The following CUL9 variants were observed in gnomAD, a reference collection of about 807,000 sequenced individuals.
The protein encoded by CUL9 is cullin-9.
CUL9 carries 79 observed loss-of-function variants against 272.6 expected under a neutral mutation model. That is an observed-to-expected ratio of 0.29 (90% CI 0.24 to 0.35). CUL9 has a LOEUF of 0.35. CUL9 is among the 10% of genes least tolerant of loss of function. The pLI, the probability that CUL9 is intolerant of heterozygous loss-of-function variation, is 1.00. For synonymous variants in CUL9, 1,186 were observed against 1,286.5 expected, an observed-to-expected ratio of 0.92 and a Z score of 1.67; for missense variants, 2,532 against 3,255.6, an observed-to-expected ratio of 0.78 and a Z score of 5.41.
rs2150617997 is a variant in CUL9 at position 43,213,318 on chromosome 6, C to T, written c.5358+24C>T. 6.2e-7 allele frequency: 1 copy of T among 1,613,212 alleles called. No individual in the cohort carries two copies. Among genetic ancestry groups the T allele is most frequent in the Middle Eastern group, 1.7e-4 (1 of 6,058 alleles). On this transcript the variant is annotated intron_variant, in intron 27 of 40. Transcript: ENST00000252050. This position sits in a 1 kb window ranked among gnomAD's most constrained non-coding sequence, Gnocchi z 5.7. ...AGGTGCTTCAGCCCTTAGCCTCTCT[C>T]TGCCTTCTCTGCTACCTTATCTGTC...
Position 43,199,180 on chromosome 6 carries a change from C to T in CUL9, c.3051-86C>T. ...CGAACTCCCGACCTCAGGTGATCCG[C>T]CCACTTCGGCCTCCCAAAGTGCTGG... On this transcript the variant is annotated intron_variant, in intron 12 of 40. Transcript: ENST00000252050. The surrounding 1 kb of genome is among the most constrained non-coding windows in gnomAD (Gnocchi z 4.4). The T allele has an allele frequency of 8.9e-7, 1 of 1,126,536 alleles. No individual in the cohort carries two copies. The highest frequency in any genetic ancestry group is 2.4e-5 in the East Asian group (1 of 41,650). The allele number at this position is 1,126,536 out of a possible 1,614,324, so 69.8% of individuals were successfully genotyped here.
At position 43,193,217 on chromosome 6, in the gene CUL9, A is replaced by G. The variant is rs751547334; in HGVS notation, c.2388+9A>G. On this transcript the variant is annotated intron_variant, in intron 9 of 40. Coordinates refer to ENST00000252050, the MANE Select transcript of CUL9 (RefSeq NM_015089.4). ...AGCAGGCTGGGCTGGCGGTGAGTACATTGGGCCTGGCGGGAGAGAACAATG... is the reference window on the plus strand; with the variant it reads ...AGCAGGCTGGGCTGGCGGTGAGTACGTTGGGCCTGGCGGGAGAGAACAATG... The G allele has an allele frequency of 1.9e-6, 3 of 1,612,998 alleles. No homozygotes were observed. Among genetic ancestry groups the G allele is most frequent in the Non-Finnish European group, 2.5e-6 (3 of 1,179,136 alleles).
chr6:43,203,622 T>G lies in CUL9; in HGVS notation c.4025+30T>G. The G allele has an allele frequency of 1.2e-6, 2 of 1,605,950 alleles. No individual in the cohort carries two copies. The highest frequency in any genetic ancestry group is 1.7e-6 in the Non-Finnish European group (2 of 1,176,796). ...GTGGGGCCTGAGGAGGGAAGATGGGTAAGGGAACAGGACACTGTGAGAAGT... is the reference window on the plus strand; with the variant it reads ...GTGGGGCCTGAGGAGGGAAGATGGGGAAGGGAACAGGACACTGTGAGAAGT... On this transcript the variant is annotated intron_variant, in intron 19 of 40. Transcript: ENST00000252050. The surrounding 1 kb of genome is among the most constrained non-coding windows in gnomAD (Gnocchi z 5.0).
chr6:43,213,720 G>A lies in CUL9; in HGVS notation c.5496G>A (p.Leu1832=). Reference sequence around the variant, plus strand: ...ACCGGGAGCGGGTTCCAGGTGTGCTGCGGCTTCATGAGCCTGGGCCCCAGC... The same window carrying A: ...ACCGGGAGCGGGTTCCAGGTGTGCTACGGCTTCATGAGCCTGGGCCCCAGC... The part of the protein sequence containing the change: ...EGQDFPHGGV[L]RLHEPGPQRS... The change falls in exon 29 of 41, where the codon CTG becomes CTA. Residue 1832 remains leucine (L), a synonymous_variant. Transcript: ENST00000252050. The surrounding 1 kb of genome is among the most constrained non-coding windows in gnomAD (Gnocchi z 5.7). 1 of 1,612,950 alleles carries A rather than the reference G, an allele frequency of 6.2e-7. No individual in the cohort carries two copies. The highest frequency in any genetic ancestry group is 8.5e-7 in the Non-Finnish European group (1 of 1,179,762).
rs1335052047 is a variant in CUL9, at chr6:43,224,187, G to A, written c.7358+19G>A. ...GCAGTCAGTAAGTGGGGTGGGCAGA[G>A]CCATGGAGGAGGCAGTGGGACATGG... is the stretch of plus-strand genomic sequence containing the variant. On this transcript the variant is annotated intron_variant, in intron 40 of 40. Coordinates refer to ENST00000252050, the MANE Select transcript of CUL9 (RefSeq NM_015089.4). The surrounding 1 kb of genome is among the most constrained non-coding windows in gnomAD (Gnocchi z 4.2). 3 of 1,614,260 alleles carry A rather than the reference G, an allele frequency of 1.9e-6. No individual in the cohort carries two copies. The highest frequency in any genetic ancestry group is 2.5e-6 in the Non-Finnish European group (3 of 1,180,042).
Position 43,203,765 on chromosome 6 carries a change from A to G in CUL9, c.4026-89A>G. ...GGAAAAGTTGGGTCAGGGACCGAAC[A>G]GGGGTGATTGGGAGCTGATCTGCAC... On this transcript the variant is annotated intron_variant, in intron 19 of 40. Transcript: ENST00000252050. This position sits in a 1 kb window ranked among gnomAD's most constrained non-coding sequence, Gnocchi z 5.0. 1.3e-6 allele frequency: 2 copies of G among 1,536,800 alleles called. No individual in the cohort carries two copies. The highest frequency in any genetic ancestry group is 1.4e-5 in the African/African-American group (1 of 73,118).
Position 43,198,792 on chromosome 6 carries a change from T to C in CUL9, c.2987T>C (p.Leu996Pro). The C allele has an allele frequency of 6.2e-7, 1 of 1,613,986 alleles. No homozygotes were observed. Among genetic ancestry groups the C allele is most frequent in the Non-Finnish European group, 8.5e-7 (1 of 1,180,044 alleles). ...KRLQQETQPFLLLLRTLDAPG... is the reference protein window; with the variant it reads ...KRLQQETQPFPLLLRTLDAPG... ...CTCCAGCAGGAGACCCAGCCTTTCC[T>C]CCTGTTGCTGCGGACTCTGGATGCT... The change falls in exon 12 of 41, where the codon CTC becomes CCC. Residue 996 changes from leucine to proline, a missense_variant. Transcript: ENST00000252050.
chr6:43,223,390 C>A lies in CUL9; in HGVS notation c.7277C>A (p.Ser2426Tyr). 6.3e-7 allele frequency: 1 copy of A among 1,597,102 alleles called. No homozygotes were observed. Among genetic ancestry groups the A allele is most frequent in the South Asian group, 1.1e-5 (1 of 88,404 alleles). The stretch of plus-strand genomic sequence containing the variant: ...AGGCTGCTTGCCATCCTGCAGCATT[C>A]TGCCCAGGTACTGCCCGGCCCAGAC... Reference protein sequence around the residue: ...QERLLAILQHSAQDFRVGLQS... With the variant: ...QERLLAILQHYAQDFRVGLQS... Residue 2426 changes from serine to tyrosine, a missense_variant, in exon 39 of 41, where the codon TCT becomes TAT. Ser to Tyr is a moderately radical substitution (Grantham distance 144). Around this residue, in one of 3 missense-constraint regions of CUL9, gnomAD observed 237 missense variants for 305.9 expected, o/e 0.77. Transcript: ENST00000252050. This position sits in a 1 kb window ranked among gnomAD's most constrained non-coding sequence, Gnocchi z 4.1.
In CUL9 at chr6:43,224,312, C is replaced by T; in HGVS notation, c.7421C>T (p.Pro2474Leu). Residue 2474 changes from proline (P) to leucine (L), a missense_variant, in exon 41 of 41, where the codon CCC (proline) becomes CTC (leucine). Pro to Leu is a moderately conservative substitution (Grantham distance 98). Around this residue, in one of 3 missense-constraint regions of CUL9, gnomAD observed 237 missense variants for 305.9 expected, o/e 0.77. Transcript: ENST00000252050. This position sits in a 1 kb window ranked among gnomAD's most constrained non-coding sequence, Gnocchi z 4.2. ...EEEEDDEDDV[P>L]EWQQDEFDEE... ...GAGGAAGACGATGAGGATGATGTGCCCGAGTGGCAGCAGGATGAGTTTGAT... is the reference window on the plus strand; with the variant it reads ...GAGGAAGACGATGAGGATGATGTGCTCGAGTGGCAGCAGGATGAGTTTGAT... 1 of 1,614,188 alleles carries T rather than the reference C, an allele frequency of 6.2e-7. No homozygotes were observed.
At chr6:43,207,182 C>G (rs1189091203) in intron 26 of CUL9, among the ~76,000 whole-genome samples, 1 of 152,134 alleles carries the variant, frequency 6.6e-6, no homozygotes, top group East Asian at 1.9e-4. Flanking sequence ...AATTATAAGG[C>G]TTCATGAATT....
chr6:43,188,100 A>G lies in CUL9; in HGVS notation c.1969A>G (p.Met657Val). ...TGAGGGGATGACCCTGCCCACTGAG[A>G]TGAAGGAGGCAGCCAGTGGTGAGTC... ...VTEGMTLPTE[M>V]KEAASEMARA... Residue 657 changes from methionine (M) to valine (V), a missense_variant, in exon 7 of 41, where the codon ATG (methionine) becomes GTG (valine). Transcript: ENST00000252050. 1.2e-6 allele frequency: 2 copies of G among 1,613,778 alleles called. No individual in the cohort carries two copies. The highest frequency in any genetic ancestry group is 4.5e-5 in the East Asian group (2 of 44,870).
intron 7 of CUL9, 47 bp from the exon 8 acceptor site, chr6:43,188,475 CA>C: frequency 6.6e-7 from 1 of 1,516,158 alleles, no homozygotes; most frequent in East Asian, 2.3e-5. Flanking sequence ...CTTCTAACTT[CA>C]AGGTGCCACA....
intron 1 of CUL9, among the ~76,000 whole-genome samples, chr6:43,183,918 A>C (rs1368966468): frequency 6.6e-6 from 1 of 151,934 alleles, no homozygotes; most frequent in African/African-American, 2.4e-5. Context: ...ACACCTGGCT[A>C]ATTTTTGTAT....
rs1406609925 is a variant in CUL9, at chr6:43,218,368, C to A, written c.6282+1865C>A. Reference sequence around the variant, plus strand: ...AGTAGCTGGGACTATAGGCGCCCGCCACCGCGCCCGGCTAATTTTTTGCAT... The same window carrying A: ...AGTAGCTGGGACTATAGGCGCCCGCAACCGCGCCCGGCTAATTTTTTGCAT... On this transcript the variant is annotated intron_variant, in intron 31 of 40. Coordinates refer to ENST00000252050, the MANE Select transcript of CUL9 (RefSeq NM_015089.4). The surrounding 1 kb of genome is among the most constrained non-coding windows in gnomAD (Gnocchi z 4.4). Among the ~76,000 whole-genome samples, 2 of 152,084 alleles carry A rather than the reference C, an allele frequency of 1.3e-5. No individual in the cohort carries two copies. The highest frequency in any genetic ancestry group is 2.9e-5 in the Non-Finnish European group (2 of 67,994).
At chr6:43,215,349 T>G (rs1271887459) in intron 30 of CUL9, 23 bp downstream of exon 30, 5 of 1,583,052 alleles carry the variant, frequency 3.2e-6, no homozygotes, top group Non-Finnish European at 4.3e-6. Context: ...CCTGACCCCT[T>G]GCAGTGAGGC....
rs1412421812 is a variant in CUL9, at chr6:43,221,568, AC to A, written c.6753-116del. 3 of 991,284 alleles carry A rather than the reference AC, an allele frequency of 3.0e-6. No homozygotes were observed. In the African/African-American group the frequency reaches 4.8e-5, roughly 16 times the overall value. 61.4% of individuals were successfully genotyped at this position (991,284 alleles called of 1,614,324 possible). On this transcript the variant is annotated intron_variant, in intron 34 of 40. Coordinates refer to ENST00000252050, the MANE Select transcript of CUL9 (RefSeq NM_015089.4). The surrounding 1 kb of genome is among the most constrained non-coding windows in gnomAD (Gnocchi z 4.2). ...AGCAGGGCTGGGTATGACTAAGGAG[AC>A]TATCAGGGCAGGAGCAGAGGCCACA...
At position 43,202,772 on chromosome 6, in the gene CUL9, T is replaced by G; in HGVS notation, c.3704T>G (p.Val1235Gly). Reference protein sequence around the residue: ...EDSSYMPARVVVFGGDSTSCI... With the variant: ...EDSSYMPARVGVFGGDSTSCI... ...TCAAGCTACATGCCAGCCAGGGTGG[T>G]GGTGTTTGGGGGTGACAGCACCAGC... Residue 1235 changes from valine to glycine, a missense_variant, in exon 17 of 41, where the codon GTG becomes GGG. Transcript: ENST00000252050. 1 of 1,613,940 alleles carries G rather than the reference T, an allele frequency of 6.2e-7. No individual in the cohort carries two copies. Among genetic ancestry groups the G allele is most frequent in the Non-Finnish European group, 8.5e-7 (1 of 1,179,958 alleles).
At position 43,203,297 on chromosome 6, in the gene CUL9, G is replaced by A; in HGVS notation, c.3849+93G>A. 2.5e-6 allele frequency: 4 copies of A among 1,592,942 alleles called. No individual in the cohort carries two copies. The highest frequency in any genetic ancestry group is 3.4e-6 in the Non-Finnish European group (4 of 1,161,624). ...TGGGAGATGGCCCAGGACCTGTTGA[G>A]TCCCAGAGATGTGGGGATGTCCTGA... is the stretch of plus-strand genomic sequence containing the variant. On this transcript the variant is annotated intron_variant, in intron 18 of 40. Coordinates refer to ENST00000252050, the MANE Select transcript of CUL9 (RefSeq NM_015089.4). This position sits in a 1 kb window ranked among gnomAD's most constrained non-coding sequence, Gnocchi z 5.0.
intron 26 of CUL9, among the ~76,000 whole-genome samples, chr6:43,208,502 G>A (rs889373134): frequency 1.2e-4 from 18 of 152,146 alleles, no homozygotes; most frequent in African/African-American, 4.1e-4. Context: ...CACTGTGCTC[G>A]GCTGTAATCA....
Sources: allele counts gnomAD v4.1 joint callset (sites outside exome capture counted in the v4.1 genomes callset), GRCh38; gene constraint gnomAD v4.1.1; regional missense constraint gnomAD v4.1.1; non-coding constraint Gnocchi (gnomAD v3.1); transcripts MANE v1.5; gene names NCBI Gene and HGNC (gene_info 2026-07-23, HGNC 2026-07-21).